The following LRRIQ1 variants were observed in gnomAD, a reference collection of about 807,000 sequenced individuals.
The protein encoded by LRRIQ1 is leucine rich repeats and IQ motif containing 1, also known as leucine-rich repeat- and IQ domain-containing protein 1.
In LRRIQ1, 210 loss-of-function variants were observed where a neutral mutation model predicts 211.9. The ratio of observed to expected loss-of-function variants is 0.99; its 90% CI spans 0.89 to 1.11. LRRIQ1 has a LOEUF of 1.11. Among genes scored for constraint, LRRIQ1 ranks in the 50% most tolerant of loss-of-function variants. LRRIQ1 has a pLI of 0.00. For missense variants in LRRIQ1, 2,136 were observed against 1,939.5 expected, an observed-to-expected ratio of 1.10 and a Z score of -1.90; for synonymous variants, 699 against 650.1, an observed-to-expected ratio of 1.08 and a Z score of -1.14.
At chr12:85,139,226 G>A (rs1889351185) in intron 19 of LRRIQ1, among the ~76,000 whole-genome samples, 1 of 151,334 alleles carries the variant, frequency 6.6e-6, no homozygotes, top group Non-Finnish European at 1.5e-5. Flanking sequence ...GCCCAGAATA[G>A]GAAAGATCTT....
chr12:85,227,230 A>G (rs1242370361), intron 24 of LRRIQ1, among the ~76,000 whole-genome samples: 2 of 152,234 alleles, frequency 1.3e-5, no homozygotes, highest in African/African-American at 4.8e-5. Flanking sequence ...AATGATCACC[A>G]TTCTAACTGG....
Position 85,040,501 on chromosome 12 carries a change from A to C in LRRIQ1, c.144A>C (p.Glu48Asp). Residue 48 changes from glutamate to aspartate, a missense_variant, in exon 3 of 27, where the codon GAA becomes GAC. Glu to Asp is a conservative substitution (Grantham distance 45). Coordinates refer to ENST00000393217, the MANE Select transcript of LRRIQ1 (RefSeq NM_001079910.2). ...QSDDSDTDSVELPESVLHCIN... is the reference protein window; with the variant it reads ...QSDDSDTDSVDLPESVLHCIN... ...ATTCAAATTTTTAGGATTCAGTTGAATTACCAGAATCAGTTCTTCACTGTA... is the reference window on the plus strand; with the variant it reads ...ATTCAAATTTTTAGGATTCAGTTGACTTACCAGAATCAGTTCTTCACTGTA... 1 of 1,534,896 alleles carries C rather than the reference A, an allele frequency of 6.5e-7. No homozygotes were observed. Among genetic ancestry groups the C allele is most frequent in the South Asian group, 1.3e-5 (1 of 77,008 alleles).
intron 1 of LRRIQ1, among the ~76,000 whole-genome samples, chr12:85,253,050 A>T (rs2137307984): frequency 6.6e-6 from 1 of 152,204 alleles, no homozygotes; most frequent in African/African-American, 2.4e-5. Context: ...GATTTCAAAA[A>T]GAAAACAATG....
intron 11 of LRRIQ1, among the ~76,000 whole-genome samples, chr12:85,094,748 A>G (rs1885715630): frequency 6.6e-6 from 1 of 152,108 alleles, no homozygotes; most frequent in Non-Finnish European, 1.5e-5. Flanking sequence ...ATCCATGAGC[A>G]TGGAATGTTT....
Position 85,190,123 on chromosome 12 carries a change from AATTAT to A in LRRIQ1, c.4822+29418_4822+29422del, listed in dbSNP as rs772911925. 1.3e-3 allele frequency among the ~76,000 whole-genome samples: 189 copies of A among 142,960 alleles called. 3 individuals carry two copies. Among genetic ancestry groups the A allele is most frequent in the East Asian group, 6.7e-3 (32 of 4,788 alleles). The allele number at this position is 142,960 out of a possible 152,430, so 93.8% of individuals were successfully genotyped here. ...TGTAACTATAGCTCACATCAATAAT[AATTAT>A]ATTATATTTATATATAATATAGTAA... On this transcript the variant is annotated intron_variant, in intron 24 of 26. Transcript: ENST00000393217.
chr12:85,090,310 A>G (rs1313373366), intron 11 of LRRIQ1, among the ~76,000 whole-genome samples: 1 of 152,172 alleles, frequency 6.6e-6, no homozygotes, highest in South Asian at 2.1e-4. Flanking sequence ...TGGAGGCCCG[A>G]CACAGTCTCT....
chr12:85,184,665 A>G (rs1487816725), intron 24 of LRRIQ1, among the ~76,000 whole-genome samples: 1 of 151,960 alleles, frequency 6.6e-6, no homozygotes, highest in Non-Finnish European at 1.5e-5. Context: ...TTACAAGTGC[A>G]TTTTGCTGAT....
At chr12:85,253,002 A>G (rs1172815023) in intron 1 of LRRIQ1, among the ~76,000 whole-genome samples, 1 of 151,968 alleles carries the variant, frequency 6.6e-6, no homozygotes, top group African/African-American at 2.4e-5. Context: ...TTTAAAGTAG[A>G]GCTTAAGTTT....
chr12:85,228,015 A>T (rs1894751678), intron 24 of LRRIQ1, among the ~76,000 whole-genome samples: 1 of 152,194 alleles, frequency 6.6e-6, no homozygotes, highest in Non-Finnish European at 1.5e-5. Context: ...TTATACAAAA[A>T]TCAATTCAAG....
chr12:85,095,857 G>A (rs1337645816), intron 11 of LRRIQ1, among the ~76,000 whole-genome samples: 1 of 151,934 alleles, frequency 6.6e-6, no homozygotes, highest in African/African-American at 2.4e-5. Context: ...CAGGGTTTCT[G>A]TTTCTTCCTG....
intron 24 of LRRIQ1, among the ~76,000 whole-genome samples, chr12:85,191,130 A>G (rs1024628168): frequency 1.3e-5 from 2 of 152,140 alleles, no homozygotes; most frequent in South Asian, 2.1e-4. Flanking sequence ...GGCTTTAAAC[A>G]TCTCTTAGTA....
chr12:85,180,946 A>G (rs1208885012), intron 24 of LRRIQ1, among the ~76,000 whole-genome samples: 1 of 151,918 alleles, frequency 6.6e-6, no homozygotes, highest in African/African-American at 2.4e-5. Context: ...GTGAATACAA[A>G]TACTTGATAG....
At chr12:85,128,554 C>A (rs1187979389) in intron 18 of LRRIQ1, among the ~76,000 whole-genome samples, 1 of 152,096 alleles carries the variant, frequency 6.6e-6, no homozygotes, top group African/African-American at 2.4e-5. Context: ...GAGCTATGAT[C>A]ATACCACTGC....
chr12:85,072,842 C>T (rs1883237857), intron 10 of LRRIQ1, 65 bp from the exon 11 acceptor site: 4 of 1,182,902 alleles, frequency 3.4e-6, no homozygotes, highest in Non-Finnish European at 2.3e-6. Context: ...CTCATATAAG[C>T]TATAACCACT....
At chr12:85,213,082 T>TA (rs948063049) in intron 24 of LRRIQ1, among the ~76,000 whole-genome samples, 1 of 151,514 alleles carries the variant, frequency 6.6e-6, no homozygotes, top group African/African-American at 2.4e-5. Flanking sequence ...TTCTAGATTT[T>TA]AAAAAAATCC....
At chr12:85,248,441 G>T (rs1256061023), downstream of LRRIQ1, among the ~76,000 whole-genome samples, 2 of 151,558 alleles carry the variant, frequency 1.3e-5, no homozygotes, top group Non-Finnish European at 3.0e-5. Context: ...TTATCCAAGA[G>T]TCATTTATTG....
At chr12:85,065,930 G>A (rs1218002570) in intron 9 of LRRIQ1, among the ~76,000 whole-genome samples, 2 of 151,884 alleles carry the variant, frequency 1.3e-5, no homozygotes, top group Admixed American at 6.6e-5. Flanking sequence ...GGTGCTTATA[G>A]GGTATTACTC....
At chr12:85,252,880 A>G (rs1392785340) in intron 1 of LRRIQ1, among the ~76,000 whole-genome samples, 4 of 151,960 alleles carry the variant, frequency 2.6e-5, no homozygotes, top group Admixed American at 6.6e-5. Flanking sequence ...ACTATTATAT[A>G]TTGTTGATAT....
In LRRIQ1 at chr12:85,256,238, T is replaced by G. The variant is rs150337641; in HGVS notation, c.122-6677T>G. ...GCTACATTTATTCTTTATTAAAAAT[T>G]TAACATTTTTTGACGACAGGATTCA... On this transcript the variant is annotated intron_variant, in intron 1 of 1. Transcript: ENST00000602731. Among the ~76,000 whole-genome samples, 483 of 151,804 alleles carry G rather than the reference T, an allele frequency of 3.2e-3. 5 individuals carry two copies. Among genetic ancestry groups the G allele is most frequent in the African/African-American group, 0.011 (446 of 41,540 alleles).
Sources: allele counts gnomAD v4.1 joint callset (sites outside exome capture counted in the v4.1 genomes callset), GRCh38; gene constraint gnomAD v4.1.1; transcripts MANE v1.5; gene names NCBI Gene and HGNC (gene_info 2026-07-23, HGNC 2026-07-21).